Variants in ESRRB observed in about 807,000 individuals in gnomAD.
ESRRB encodes the protein estrogen related receptor beta.
A neutral mutation model predicts 46.0 loss-of-function variants in ESRRB; 16 were observed. The ratio of observed to expected loss-of-function variants is 0.35; its 90% CI spans 0.24 to 0.53. The LOEUF is 0.53. ESRRB is among the 20% of genes least tolerant of loss of function. The probability of loss-of-function intolerance (pLI) is 0.93; values close to 1 mark genes in which losing one functional copy is unlikely to be tolerated. For missense variants in ESRRB, 488 were observed against 607.4 expected, an observed-to-expected ratio of 0.80 and a Z score of 2.07; for synonymous variants, 246 against 259.6, an observed-to-expected ratio of 0.95 and a Z score of 0.50.
intron 1 of ESRRB, among the ~76,000 whole-genome samples, chr14:76,420,608 AG>A: frequency 7.0e-6 from 1 of 143,744 alleles, no homozygotes; most frequent in African/African-American, 2.7e-5. Context: ...TGTATGAGAG[AG>A]AGAGAGAGAG....
intron 3 of ESRRB, among the ~76,000 whole-genome samples, chr14:76,469,592 CT>C: frequency 6.6e-6 from 1 of 152,062 alleles, no homozygotes; most frequent in Non-Finnish European, 1.5e-5. Context: ...ACAGGCTGGT[CT>C]CAAACTCTTG....
At chr14:76,442,162 C>T (rs1044439606) in intron 2 of ESRRB, among the ~76,000 whole-genome samples, 14 of 152,172 alleles carry the variant, frequency 9.2e-5, no homozygotes, top group Non-Finnish European at 2.1e-4. Flanking sequence ...TCTCTCTGTG[C>T]TTCAGTTACT....
chr14:76,483,508 G>T (rs751891391), intron 5 of ESRRB, among the ~76,000 whole-genome samples: 1 of 152,154 alleles, frequency 6.6e-6, no homozygotes, highest in African/African-American at 2.4e-5. Context: ...ACTTCTCTTC[G>T]CTGTGTGTGG....
chr14:76,339,624 C>T (rs1447656702), intron 1 of ESRRB, among the ~76,000 whole-genome samples: 1 of 152,184 alleles, frequency 6.6e-6, no homozygotes, highest in Admixed American at 6.5e-5. Context: ...CCCAGAATCC[C>T]ACAATTCTCT....
intron 3 of ESRRB, among the ~76,000 whole-genome samples, chr14:76,474,845 CAAAA>C (rs1889510872): frequency 6.6e-6 from 1 of 151,092 alleles, no homozygotes; most frequent in Non-Finnish European, 1.5e-5. Flanking sequence ...CAAAACAAAA[CAAAA>C]CAAACCATTA....
chr14:76,423,154 T>TC (rs1427056387), intron 1 of ESRRB, among the ~76,000 whole-genome samples: 1 of 148,422 alleles, frequency 6.7e-6, no homozygotes, highest in East Asian at 2.0e-4. Flanking sequence ...TTTTTTTTTT[T>TC]TTTTTTTTTG....
At chr14:76,312,867 A>G (rs28662300) in intron 1 of ESRRB, among the ~76,000 whole-genome samples, 24,433 of 151,956 alleles carry the variant, frequency 0.16, 2,776 homozygotes, top group East Asian at 0.31. Context: ...TTGAGAAAAA[A>G]TGTGGCTTTT....
intron 1 of ESRRB, among the ~76,000 whole-genome samples, chr14:76,390,039 G>A (rs577569020): frequency 2.3e-4 from 35 of 152,160 alleles, no homozygotes; most frequent in Admixed American, 9.2e-4. Context: ...CAGATCCGCC[G>A]TCCCCCAGCT....
At chr14:76,337,954 T>G (rs1410961370) in intron 1 of ESRRB, among the ~76,000 whole-genome samples, 9 of 152,190 alleles carry the variant, frequency 5.9e-5, no homozygotes, top group Non-Finnish European at 2.9e-5. Context: ...GCCTCCTCCT[T>G]CCTTCCTGCA....
chr14:76,354,948 T>C (rs565122430), intron 1 of ESRRB, among the ~76,000 whole-genome samples: 5 of 152,058 alleles, frequency 3.3e-5, no homozygotes, highest in African/African-American at 9.6e-5. Flanking sequence ...TGACCTCAGG[T>C]GATCCACCCA....
At chr14:76,443,231 T>G (rs1320183976) in intron 2 of ESRRB, among the ~76,000 whole-genome samples, 1 of 152,218 alleles carries the variant, frequency 6.6e-6, no homozygotes, top group African/African-American at 2.4e-5. Context: ...CTCAGTTTTC[T>G]TAACTATCCC....
rs1491279444 is a variant in ESRRB, at chr14:76,333,441, A to ATATATTTATATCATATATATATT, written c.2+22530_2+22531insTTATATCATATATATATTTATAT. 1.8e-3 allele frequency among the ~76,000 whole-genome samples: 181 copies of ATATATTTATATCATATATATATT among 100,278 alleles called. 18 individuals are homozygous for ATATATTTATATCATATATATATT. The highest frequency in any genetic ancestry group is 2.4e-3 in the Non-Finnish European group (125 of 52,400). 65.8% of individuals were successfully genotyped at this position (100,278 alleles called of 152,430 possible). A position where few individuals can be genotyped will look rare whatever the true frequency, so the allele number is the denominator to read the frequency against. On this transcript the variant is annotated intron_variant, in intron 1 of 6. Coordinates refer to the ESRRB transcript ENST00000512784. ...TATATCATATATATATTTATATATG[A>ATATATTTATATCATATATATATT]TATATAAGTATATCATATATAAATA...
chr14:76,329,224 G>A (rs1003652808), intron 1 of ESRRB, among the ~76,000 whole-genome samples: 5 of 152,154 alleles, frequency 3.3e-5, no homozygotes, highest in African/African-American at 1.2e-4. Flanking sequence ...AGAGAACAAG[G>A]AGAAGTGGGA....
chr14:76,319,194 A>G (rs11623322), intron 1 of ESRRB, among the ~76,000 whole-genome samples: 70,942 of 152,134 alleles, frequency 0.47, 18,268 homozygotes, highest in Middle Eastern at 0.65. Context: ...CTGGAGTGTC[A>G]TCTCTGCACA....
rs75436511 is a variant in ESRRB at position 76,419,988 on chromosome 14, C to T, written c.51-19353C>T. On this transcript the variant is annotated intron_variant, in intron 1 of 6. Transcript: ENST00000644823. ...GGGGTTCGGCTAGGGGTCTGACTCA[C>T]GGGGCAAGAGGCTAGAGTTATGGAT... Among the ~76,000 whole-genome samples the T allele has an allele frequency of 8.7e-3, 1,321 of 152,218 alleles. 24 individuals are homozygous for T. The highest frequency in any genetic ancestry group is 0.03 in the African/African-American group (1,250 of 41,522).
chr14:76,455,697 C>T (rs1888576366), intron 2 of ESRRB, among the ~76,000 whole-genome samples: 1 of 152,132 alleles, frequency 6.6e-6, no homozygotes, highest in African/African-American at 2.4e-5. Flanking sequence ...ATTCCATCCT[C>T]CAACCTTCAC....
At chr14:76,336,789 G>A (rs139289250) in intron 1 of ESRRB, among the ~76,000 whole-genome samples, 1,827 of 152,242 alleles carry the variant, frequency 0.012, 20 homozygotes, top group Non-Finnish European at 0.019. Flanking sequence ...TGCTAGGTGC[G>A]GGATACATTA....
At chr14:76,387,526 C>A (rs1030409723) in intron 1 of ESRRB, among the ~76,000 whole-genome samples, 5 of 152,330 alleles carry the variant, frequency 3.3e-5, no homozygotes, top group Non-Finnish European at 7.4e-5. Flanking sequence ...CTGCTCCATG[C>A]AATTTAGCAC....
intron 1 of ESRRB, among the ~76,000 whole-genome samples, chr14:76,360,546 G>A (rs1884450860): frequency 6.6e-6 from 1 of 152,102 alleles, no homozygotes; most frequent in Non-Finnish European, 1.5e-5. Flanking sequence ...ACACCTAGTG[G>A]CCCTACCGCC....
Sources: gnomAD v4.1 joint callset for allele counts (sites outside exome capture counted in the v4.1 genomes callset) on GRCh38, gnomAD v4.1.1 for gene constraint, MANE v1.5 for transcripts, NCBI Gene and HGNC (gene_info 2026-07-23, HGNC 2026-07-21) for gene names.